Variants in SLC25A13 observed in about 807,000 individuals in gnomAD.
SLC25A13 encodes electrogenic aspartate/glutamate antiporter SLC25A13, mitochondrial.
A neutral mutation model predicts 85.5 loss-of-function variants in SLC25A13; 70 were observed. The observed-to-expected ratio is 0.82, with a 90% confidence interval of 0.68 to 1.00. The LOEUF is 1.00. Ranked by LOEUF, SLC25A13 falls within the 50% of genes least tolerant of loss-of-function variation. The pLI is 0.00. For missense variants in SLC25A13, 765 were observed against 819.8 expected, an observed-to-expected ratio of 0.93 and a Z score of 0.82; for synonymous variants, 259 against 288.7, an observed-to-expected ratio of 0.90 and a Z score of 1.04.
chr7:96,223,385 ATAATGC>A, intron 4 of SLC25A13, among the ~76,000 whole-genome samples: 1 of 152,388 alleles, frequency 6.6e-6, no homozygotes, highest in East Asian at 1.9e-4. Context: ...ATGTAATAGC[ATAATGC>A]AAGAAAACAT....
intron 13 of SLC25A13, among the ~76,000 whole-genome samples, chr7:96,147,867 T>C (rs1231743884): frequency 6.6e-6 from 1 of 152,028 alleles, no homozygotes; most frequent in Non-Finnish European, 1.5e-5. Context: ...CCTACCACCA[T>C]GTGGAAGAAA....
At chr7:96,225,421 T>G (rs997985263) in intron 4 of SLC25A13, among the ~76,000 whole-genome samples, 1 of 152,104 alleles carries the variant, frequency 6.6e-6, no homozygotes, top group Non-Finnish European at 1.5e-5. Flanking sequence ...TAGCGCCACC[T>G]GTAGTCCCAG....
At chr7:96,290,964 A>C (rs890096004) in intron 2 of SLC25A13, among the ~76,000 whole-genome samples, 1 of 152,208 alleles carries the variant, frequency 6.6e-6, no homozygotes, top group African/African-American at 2.4e-5. Flanking sequence ...ACCCCAAATC[A>C]ACAGAATATA....
At chr7:96,132,939 T>C (rs1279824587) in intron 14 of SLC25A13, among the ~76,000 whole-genome samples, 1 of 152,240 alleles carries the variant, frequency 6.6e-6, no homozygotes, top group African/African-American at 2.4e-5. Flanking sequence ...TTTGTTTTCC[T>C]GACACGCACA....
chr7:96,229,498 G>A (rs1329813487), intron 4 of SLC25A13, among the ~76,000 whole-genome samples: 1 of 152,098 alleles, frequency 6.6e-6, no homozygotes, highest in Non-Finnish European at 1.5e-5. Context: ...ACCTGCTCTG[G>A]TCCCCTTCCA....
chr7:96,182,393 T>C (rs1479645531), intron 11 of SLC25A13, among the ~76,000 whole-genome samples: 2 of 152,216 alleles, frequency 1.3e-5, no homozygotes, highest in African/African-American at 4.8e-5. Flanking sequence ...ACTCTACTCA[T>C]CATCCTGACA....
chr7:96,275,093 C>T (rs186004387), intron 3 of SLC25A13, among the ~76,000 whole-genome samples: 49 of 152,114 alleles, frequency 3.2e-4, no homozygotes, highest in Admixed American at 5.9e-4. Flanking sequence ...TATATATTAC[C>T]TTGTATGGCC....
intron 3 of SLC25A13, among the ~76,000 whole-genome samples, chr7:96,245,023 C>T (rs1008267253): frequency 6.6e-6 from 1 of 152,002 alleles, no homozygotes; most frequent in Non-Finnish European, 1.5e-5. Flanking sequence ...GTCCATACTG[C>T]CAGCTCTACT....
chr7:96,132,746 A>AC (rs1792087947), intron 14 of SLC25A13, among the ~76,000 whole-genome samples: 1 of 152,196 alleles, frequency 6.6e-6, no homozygotes, highest in Admixed American at 6.5e-5. Flanking sequence ...GATTTCTAAT[A>AC]ACTAAAAATT....
intron 3 of SLC25A13, among the ~76,000 whole-genome samples, chr7:96,245,362 C>T (rs532645162): frequency 5.9e-5 from 9 of 152,248 alleles, no homozygotes; most frequent in African/African-American, 2.2e-4. Flanking sequence ...CTCTTTTAAC[C>T]TTCAAGTCAC....
At chr7:96,153,955 G>A (rs80325158) in intron 13 of SLC25A13, among the ~76,000 whole-genome samples, 3,138 of 152,250 alleles carry the variant, frequency 0.021, 117 homozygotes, top group African/African-American at 0.072. Context: ...ACATTTGAAT[G>A]AAAGAGAAAT....
At chr7:96,195,831 C>T (rs975842561) in intron 5 of SLC25A13, among the ~76,000 whole-genome samples, 1 of 152,194 alleles carries the variant, frequency 6.6e-6, no homozygotes, top group Non-Finnish European at 1.5e-5. Context: ...TATAACCAGG[C>T]CTTATAACTG....
intron 7 of SLC25A13, 111 bp downstream of exon 7, chr7:96,190,998 T>G: frequency 1.6e-6 from 2 of 1,252,698 alleles, no homozygotes; most frequent in Non-Finnish European, 2.3e-6. Flanking sequence ...ATCATATAGT[T>G]AATATGTGTC....
intron 3 of SLC25A13, among the ~76,000 whole-genome samples, chr7:96,260,803 T>A (rs183311438): frequency 6.6e-6 from 1 of 152,016 alleles, no homozygotes. Flanking sequence ...TGCAGCACAG[T>A]CCTAATTTCC....
At chr7:96,285,094 C>CCT (rs760022993) in intron 2 of SLC25A13, among the ~76,000 whole-genome samples, 4 of 152,124 alleles carry the variant, frequency 2.6e-5, no homozygotes, top group Non-Finnish European at 5.9e-5. Flanking sequence ...CTACTGGCTC[C>CCT]CTCTCACTTT....
chr7:96,259,281 C>G (rs1332923564), intron 3 of SLC25A13, among the ~76,000 whole-genome samples: 1 of 152,102 alleles, frequency 6.6e-6, no homozygotes, highest in African/African-American at 2.4e-5. Context: ...AGGCAACCTA[C>G]AGAATGGGAG....
intron 1 of SLC25A13, among the ~76,000 whole-genome samples, chr7:96,306,329 G>A (rs1317217519): frequency 6.6e-6 from 1 of 152,226 alleles, no homozygotes; most frequent in Non-Finnish European, 1.5e-5. Context: ...GGCAAGGGCA[G>A]GGAGCTTCCC....
rs753984940 is a variant in SLC25A13 at position 96,121,609 on chromosome 7, A to ATTAGCAGCAGCCAAAAT, written c.1841+29_1841+45dup. On this transcript the variant is annotated intron_variant, in intron 17 of 17. Transcript: ENST00000265631. ...GTACCTTTCCCTACGACAACAGAGC[A>ATTAGCAGCAGCCAAAAT]TTAGCAGCAGCCAAAATTTAGCAGC... 18 of 1,579,256 alleles carry ATTAGCAGCAGCCAAAAT rather than the reference A, an allele frequency of 1.1e-5. 1 individual carries two copies. The East Asian group carries it at 3.6e-4, about 31-fold the overall frequency.
intron 2 of SLC25A13, among the ~76,000 whole-genome samples, chr7:96,281,728 T>G (rs1231836743): frequency 2.0e-5 from 3 of 152,210 alleles, no homozygotes; most frequent in Admixed American, 6.5e-5. Context: ...TAGAAGTCTT[T>G]GAGAGATATT....
Sources: allele counts gnomAD v4.1 joint callset (sites outside exome capture counted in the v4.1 genomes callset), GRCh38; gene constraint gnomAD v4.1.1; transcripts MANE v1.5; gene names NCBI Gene and HGNC (gene_info 2026-07-23, HGNC 2026-07-21).